Variants in PTPRT observed in about 807,000 individuals in gnomAD.
PTPRT encodes protein tyrosine phosphatase receptor type T.
PTPRT carries 56 observed loss-of-function variants against 176.8 expected under a neutral mutation model. That is an observed-to-expected ratio of 0.32 (90% confidence interval 0.26 to 0.40). The LOEUF is 0.40. Ranked by LOEUF, PTPRT falls within the 10% of genes least tolerant of loss-of-function variation. The pLI is 1.00. For synonymous variants in PTPRT, 783 were observed against 739.0 expected, an observed-to-expected ratio of 1.06 and a Z score of -0.96; for missense variants, 1,540 against 1,908.2, an observed-to-expected ratio of 0.81 and a Z score of 3.60.
At chr20:43,154,099 TA>T (rs1247999429) in intron 1 of PTPRT, among the ~76,000 whole-genome samples, 1 of 152,230 alleles carries the variant, frequency 6.6e-6, no homozygotes, top group Non-Finnish European at 1.5e-5. Flanking sequence ...GAAAACTGCT[TA>T]ATTCCCCATA....
rs552105774 is a variant in PTPRT at position 42,867,504 on chromosome 20, G to A, written c.214+18303C>T. On this transcript the variant is annotated intron_variant, in intron 2 of 30. Coordinates refer to ENST00000373187, the MANE Select transcript of PTPRT (RefSeq NM_007050.6). ...CCTAAGCTCACCCACATATCACTGG[G>A]GCTGGAAGCCTAGAAACTACATCTT... is the stretch of plus-strand genomic sequence containing the variant. Among the ~76,000 whole-genome samples the A allele has an allele frequency of 1.0e-4, 15 of 149,518 alleles. No homozygotes were observed. In the South Asian group the frequency reaches 3.2e-3, roughly 32 times the overall value.
At chr20:42,638,823 T>C (rs1348202100) in intron 7 of PTPRT, among the ~76,000 whole-genome samples, 1 of 152,162 alleles carries the variant, frequency 6.6e-6, no homozygotes, top group African/African-American at 2.4e-5. Flanking sequence ...GAATTTCAAT[T>C]TTCTTCTCTG....
chr20:42,378,873 T>C (rs191908107), intron 9 of PTPRT, among the ~76,000 whole-genome samples: 1 of 152,330 alleles, frequency 6.6e-6, no homozygotes, highest in East Asian at 1.9e-4. Context: ...AGTTCTGACA[T>C]GTAGTAAGCA....
intron 7 of PTPRT, among the ~76,000 whole-genome samples, chr20:42,573,388 T>C (rs1308685618): frequency 3.3e-5 from 5 of 151,630 alleles, no homozygotes; most frequent in Admixed American, 2.0e-4. Flanking sequence ...CCTTCCTCCA[T>C]AGATAGGAGC....
At chr20:42,070,893 A>G (rs1368006230), downstream of PTPRT, among the ~76,000 whole-genome samples, 4 of 152,140 alleles carry the variant, frequency 2.6e-5, no homozygotes, top group African/African-American at 9.7e-5. Flanking sequence ...AGTGGGAGTT[A>G]TGTGAGATTT....
chr20:42,615,314 A>G lies in PTPRT; in HGVS notation c.1153+62552T>C, dbSNP rs1251051661. 4.4e-5 allele frequency among the ~76,000 whole-genome samples: 6 copies of G among 137,162 alleles called. 2 individuals are homozygous for G. The highest frequency in any genetic ancestry group is 1.9e-4 in the African/African-American group (6 of 31,298). 90.0% of individuals were successfully genotyped at this position (137,162 alleles called of 152,430 possible). A position where few individuals can be genotyped will look rare whatever the true frequency, so the allele number is the denominator to read the frequency against. ...GTATTCCATGGTGTATATGTGCCAC[A>G]ATTTCTTAATCCAGTCTATCATTGT... On this transcript the variant is annotated intron_variant, in intron 7 of 30. Transcript: ENST00000373187.
intron 7 of PTPRT, among the ~76,000 whole-genome samples, chr20:42,610,918 T>C (rs6102939): frequency 0.13 from 18,142 of 140,666 alleles, 2,682 homozygotes; most frequent in African/African-American, 0.38. Flanking sequence ...TTCTGAACAT[T>C]GCAATACACT....
chr20:42,850,271 A>G (rs2078445382), intron 2 of PTPRT, among the ~76,000 whole-genome samples: 1 of 152,212 alleles, frequency 6.6e-6, no homozygotes. Context: ...AAATACTAAA[A>G]GCGCTTCAAG....
intron 1 of PTPRT, among the ~76,000 whole-genome samples, chr20:43,075,341 C>A (rs1003264061): frequency 1.3e-5 from 2 of 152,276 alleles, no homozygotes; most frequent in African/African-American, 4.8e-5. Context: ...AGAGTCCTCT[C>A]CTGCGGAGAT....
intron 1 of PTPRT, among the ~76,000 whole-genome samples, chr20:43,021,469 C>T (rs995846114): frequency 2.0e-5 from 3 of 152,160 alleles, no homozygotes; most frequent in South Asian, 2.1e-4. Context: ...CAACAGTGGA[C>T]GTGAACTCAG....
intron 7 of PTPRT, among the ~76,000 whole-genome samples, chr20:42,498,913 C>G (rs1357640157): frequency 6.6e-6 from 1 of 152,174 alleles, no homozygotes; most frequent in Non-Finnish European, 1.5e-5. Flanking sequence ...TGATTTATGT[C>G]TTTGCCTGTA....
intron 1 of PTPRT, among the ~76,000 whole-genome samples, chr20:43,156,787 A>G (rs1159371974): frequency 6.6e-6 from 1 of 152,150 alleles, no homozygotes; most frequent in Non-Finnish European, 1.5e-5. Context: ...CTACAGCTAC[A>G]CTGGAGTGTC....
At chr20:42,820,950 G>A (rs547378728) in intron 2 of PTPRT, among the ~76,000 whole-genome samples, 1 of 152,056 alleles carries the variant, frequency 6.6e-6, no homozygotes, top group South Asian at 2.1e-4. Flanking sequence ...AGGCTCAGGA[G>A]TAGACAGATT....
intron 7 of PTPRT, among the ~76,000 whole-genome samples, chr20:42,636,232 G>A (rs2074596925): frequency 6.6e-6 from 1 of 152,004 alleles, no homozygotes; most frequent in Non-Finnish European, 1.5e-5. Context: ...GTCTGAAGTG[G>A]GTAGGGACTG....
At chr20:42,756,096 C>T (rs1318565485) in intron 6 of PTPRT, among the ~76,000 whole-genome samples, 2 of 152,164 alleles carry the variant, frequency 1.3e-5, no homozygotes, top group African/African-American at 4.8e-5. Flanking sequence ...AAAAATCCCT[C>T]AGAAACAATA....
chr20:42,270,531 AC>A, intron 13 of PTPRT: 1 of 1,320,868 alleles, frequency 7.6e-7, no homozygotes, highest in Non-Finnish European at 1.1e-6. Flanking sequence ...AACGTGCAGC[AC>A]GGTGAACAAA....
intron 3 of PTPRT, among the ~76,000 whole-genome samples, chr20:42,787,323 G>A (rs1422538730): frequency 6.6e-6 from 1 of 152,154 alleles, no homozygotes; most frequent in Non-Finnish European, 1.5e-5. Flanking sequence ...CCAGCAAACT[G>A]AGATGTAGGG....
At chr20:43,053,056 TA>T (rs3092133) in intron 1 of PTPRT, among the ~76,000 whole-genome samples, 38,582 of 146,174 alleles carry the variant, frequency 0.26, 5,753 homozygotes, top group African/African-American at 0.41. Context: ...GCCTCAGACA[TA>T]AAAAAAAAAA....
At chr20:42,534,865 T>G (rs1267634311) in intron 7 of PTPRT, among the ~76,000 whole-genome samples, 1 of 152,112 alleles carries the variant, frequency 6.6e-6, no homozygotes, top group Non-Finnish European at 1.5e-5. Flanking sequence ...ATAAGGTGAC[T>G]GTGGGAATAA....
Sources: gnomAD v4.1 joint callset for allele counts (sites outside exome capture counted in the v4.1 genomes callset) on GRCh38, gnomAD v4.1.1 for gene constraint, MANE v1.5 for transcripts, NCBI Gene and HGNC (gene_info 2026-07-23, HGNC 2026-07-21) for gene names.